The following UNC80 variants were observed in gnomAD, a reference collection of about 807,000 sequenced individuals.
The protein encoded by UNC80 is unc-80 subunit of NALCN channel complex.
A neutral mutation model predicts 384.6 loss-of-function variants in UNC80; 164 were observed. That is an observed-to-expected ratio of 0.43 (90% CI 0.38 to 0.49). The LOEUF (loss-of-function observed/expected upper bound fraction) is 0.49, where lower values mean the gene tolerates loss of function less well. Ranked by LOEUF, UNC80 falls within the 20% of genes least tolerant of loss-of-function variation. The probability of loss-of-function intolerance (pLI) is 0.00; values close to 1 mark genes in which losing one functional copy is unlikely to be tolerated. For missense variants in UNC80, 3,330 were observed against 4,143.0 expected (o/e 0.80, Z 5.39); for synonymous variants, 1,486 against 1,527.8 (o/e 0.97, Z 0.64).
rs113516286 is a variant in UNC80, at chr2:209,801,664, A to T, written c.938+7805A>T. On this transcript the variant is annotated intron_variant, in intron 7 of 64. Coordinates refer to ENST00000673920, the MANE Select transcript of UNC80 (RefSeq NM_001371986.1). The stretch of plus-strand genomic sequence containing the variant: ...CCAAAGTGCTGGGATTACAGGTGTG[A>T]TCTACCATGCCCGGCCAACCCCTGC... 4.7e-3 allele frequency among the ~76,000 whole-genome samples: 614 copies of T among 131,280 alleles called. 3 individuals carry two copies. Among genetic ancestry groups the T allele is most frequent in the Middle Eastern group, 0.029 (4 of 138 alleles). 86.1% of individuals were successfully genotyped at this position (131,280 alleles called of 152,430 possible).
chr2:209,815,157 A>G, intron 8 of UNC80, 100 bp from the exon 9 acceptor site: 1 of 1,200,010 alleles, frequency 8.3e-7, no homozygotes, highest in Non-Finnish European at 1.1e-6. Flanking sequence ...CAAAGATGTC[A>G]AAGCTATAGG....
rs535994746 is a variant in UNC80, at chr2:209,839,149, G to A, written c.3042-73G>A. On this transcript the variant is annotated intron_variant, in intron 18 of 64. Transcript: ENST00000673920. This position sits in a 1 kb window ranked among gnomAD's most constrained non-coding sequence, Gnocchi z 4.1. ...TGATTTGCCTAAATATCATTGACAG[G>A]AAGATGAAAGAAATTTAGGAGAATT... 2.6e-5 allele frequency: 35 copies of A among 1,349,664 alleles called. No individual in the cohort carries two copies. Among genetic ancestry groups the A allele is most frequent in the Non-Finnish European group, 3.5e-5 (34 of 979,376 alleles). The allele number at this position is 1,349,664 out of a possible 1,614,324, so 83.6% of individuals were successfully genotyped here.
intron 61 of UNC80, among the ~76,000 whole-genome samples, chr2:209,988,034 C>T (rs2093323663): frequency 6.6e-6 from 1 of 152,090 alleles, no homozygotes; most frequent in South Asian, 2.1e-4. Flanking sequence ...AGCCTGTAAT[C>T]TCTAAATTAT....
At chr2:209,921,199 G>C (rs1219403938) in intron 33 of UNC80, among the ~76,000 whole-genome samples, 1 of 152,064 alleles carries the variant, frequency 6.6e-6, no homozygotes, top group East Asian at 1.9e-4. Flanking sequence ...AATTTTATTT[G>C]ATCATAATAT....
chr2:209,883,158 C>G (rs1362302160), intron 25 of UNC80, among the ~76,000 whole-genome samples: 1 of 152,180 alleles, frequency 6.6e-6, no homozygotes, highest in African/African-American at 2.4e-5. Context: ...AAAGAAAACT[C>G]AAGCCACATT....
At chr2:209,777,104 A>G (rs1574400490) in intron 3 of UNC80, among the ~76,000 whole-genome samples, 154 bp from the exon 4 acceptor site, 1 of 152,338 alleles carries the variant, frequency 6.6e-6, no homozygotes. Flanking sequence ...GATTGCGGCC[A>G]GTAGGGAAGT....
At chr2:209,919,830 C>G (rs550610595) in intron 33 of UNC80, among the ~76,000 whole-genome samples, 2 of 152,258 alleles carry the variant, frequency 1.3e-5, no homozygotes, top group Admixed American at 1.3e-4. Context: ...GATTTTTCTC[C>G]TGAAGAGGTG....
At chr2:209,793,243 G>T (rs17803541) in intron 6 of UNC80, among the ~76,000 whole-genome samples, 1 of 152,110 alleles carries the variant, frequency 6.6e-6, no homozygotes, top group African/African-American at 2.4e-5. Flanking sequence ...CATTGTGTCC[G>T]ATTAGAAAAG....
In UNC80 at chr2:209,997,449, G is replaced by A. The variant is rs978315175; in HGVS notation, c.*1854G>A. The A allele has an allele frequency of 7.9e-5, 12 of 152,110 alleles. No individual in the cohort carries two copies. The highest frequency in any genetic ancestry group is 2.2e-4 in the African/African-American group (9 of 41,412). The allele number at this position is 152,110 out of a possible 1,614,324, so 9.4% of individuals were successfully genotyped here. A position where few individuals can be genotyped will look rare whatever the true frequency, so the allele number is the denominator to read the frequency against. On this transcript the variant is annotated 3_prime_UTR_variant, in exon 65 of 65. Coordinates refer to ENST00000673920, the MANE Select transcript of UNC80 (RefSeq NM_001371986.1). ...TTACAAGTGTCTGGGCTATTGGCGCGTCTCTATATATGTGTGTGCTTTGTT... is the reference window on the plus strand; with the variant it reads ...TTACAAGTGTCTGGGCTATTGGCGCATCTCTATATATGTGTGTGCTTTGTT...
chr2:209,958,228 A>G (rs571337125), intron 49 of UNC80, among the ~76,000 whole-genome samples: 27 of 152,266 alleles, frequency 1.8e-4, no homozygotes, highest in African/African-American at 6.3e-4. Context: ...TGTAACTCAG[A>G]TACTGGCTAT....
At chr2:209,967,762 C>A in intron 52 of UNC80, 125 bp downstream of exon 52, 1 of 874,126 alleles carries the variant, frequency 1.1e-6, no homozygotes, top group Non-Finnish European at 1.8e-6. Context: ...GGTATATGTG[C>A]ATAGTTAATA....
chr2:209,899,120 CTTCAA>C (rs2087107670), intron 28 of UNC80, among the ~76,000 whole-genome samples: 2 of 152,138 alleles, frequency 1.3e-5, no homozygotes, highest in African/African-American at 4.8e-5. Context: ...CAGCTGATAA[CTTCAA>C]TATATGAATC....
intron 60 of UNC80, 30 bp from the exon 61 acceptor site, chr2:209,984,826 A>G: frequency 1.3e-6 from 2 of 1,507,572 alleles, no homozygotes; most frequent in Admixed American, 2.4e-5. Flanking sequence ...TTCTTTCCCT[A>G]AATGCTTCAT....
intron 47 of UNC80, among the ~76,000 whole-genome samples, chr2:209,948,326 A>G (rs1415987235): frequency 6.6e-6 from 1 of 152,120 alleles, no homozygotes; most frequent in Non-Finnish European, 1.5e-5. Context: ...CTATGGCCTC[A>G]TCAACACTTG....
At chr2:209,859,518 G>T (rs1306608633) in intron 22 of UNC80, among the ~76,000 whole-genome samples, 1 of 152,144 alleles carries the variant, frequency 6.6e-6, no homozygotes, top group Non-Finnish European at 1.5e-5. Context: ...CTTTATAGTA[G>T]AATGATTTAT....
intron 13 of UNC80, among the ~76,000 whole-genome samples, 188 bp downstream of exon 13, chr2:209,820,867 C>G (rs902251722): frequency 3.9e-5 from 6 of 152,180 alleles, no homozygotes; most frequent in African/African-American, 1.4e-4. Flanking sequence ...CAACTGTACT[C>G]TAAATCCAAT....
chr2:209,881,683 T>C (rs919372756), intron 25 of UNC80, among the ~76,000 whole-genome samples: 2 of 152,096 alleles, frequency 1.3e-5, no homozygotes, highest in Non-Finnish European at 2.9e-5. Context: ...CTGTGTGGTA[T>C]ACCATGAAGG....
At chr2:209,884,018 C>T (rs192771407) in intron 25 of UNC80, among the ~76,000 whole-genome samples, 2 of 152,090 alleles carry the variant, frequency 1.3e-5, no homozygotes, top group African/African-American at 4.8e-5. Flanking sequence ...TGCTTCCCCC[C>T]CTCCCCCACA....
chr2:209,786,970 T>A (rs1007047278), intron 5 of UNC80, among the ~76,000 whole-genome samples: 1 of 132,968 alleles, frequency 7.5e-6, no homozygotes, highest in Non-Finnish European at 1.6e-5. Flanking sequence ...ATGTGGAAAA[T>A]CTACAGAAGC....
Sources: allele counts gnomAD v4.1 joint callset (sites outside exome capture counted in the v4.1 genomes callset), GRCh38; gene constraint gnomAD v4.1.1; non-coding constraint Gnocchi (gnomAD v3.1); transcripts MANE v1.5; gene names NCBI Gene and HGNC (gene_info 2026-07-23, HGNC 2026-07-21).